Variants in ATAD3C observed in about 807,000 individuals in gnomAD.
The protein encoded by ATAD3C is ATPase family AAA domain containing 3C.
A neutral mutation model predicts 46.3 loss-of-function variants in ATAD3C; 38 were observed. The observed-to-expected ratio is 0.82, with a 90% CI of 0.63 to 1.08. The LOEUF (loss-of-function observed/expected upper bound fraction) is 1.08. ATAD3C is among the 50% of genes least tolerant of loss of function. The pLI is 0.00. For synonymous variants in ATAD3C, 220 were observed against 236.4 expected, an observed-to-expected ratio of 0.93 and a Z score of 0.63; for missense variants, 563 against 572.7, an observed-to-expected ratio of 0.98 and a Z score of 0.17.
In ATAD3C at chr1:1,450,223, G is replaced by A. The variant is rs1638831128; in HGVS notation, c.-461G>A. 2 of 156,098 alleles carry A rather than the reference G, an allele frequency of 1.3e-5. No individual in the cohort carries two copies. Among genetic ancestry groups the A allele is most frequent in the African/African-American group, 4.9e-5 (2 of 41,218 alleles). 9.7% of individuals were successfully genotyped at this position (156,098 alleles called of 1,614,324 possible). ...GCCTGTAGTCCCAGCTACTCGGGAG[G>A]CTGAGGCAGGAGAGTGACGTGAACC... On this transcript the variant is annotated 5_prime_UTR_variant, in exon 1 of 12. Transcript: ENST00000378785.
chr1:1,452,231 C>T (rs1475154744), intron 2 of ATAD3C, 109 bp downstream of exon 2: 2 of 1,578,540 alleles, frequency 1.3e-6, no homozygotes, highest in South Asian at 2.3e-5. Flanking sequence ...TGTAGGCTGG[C>T]TCCTTGGTGG....
In ATAD3C at chr1:1,468,447, G is replaced by A; in HGVS notation, c.1153G>A (p.Asp385Asn). 6.2e-7 allele frequency: 1 copy of A among 1,613,218 alleles called. No individual in the cohort carries two copies. ...GGCCATGATGGACGCCTGCGTGCAA[G>A]ACTTTGTCCAGCAGCACCAGCAGAT... ...TEAMMDACVQDFVQQHQQMMR... is the reference protein window; with the variant it reads ...TEAMMDACVQNFVQQHQQMMR... Residue 385 changes from aspartate (D) to asparagine (N), a missense_variant, in exon 12 of 12, where the codon GAC becomes AAC. Coordinates refer to ENST00000378785, the MANE Select transcript of ATAD3C (RefSeq NM_001039211.3).
In ATAD3C at chr1:1,459,533, A is replaced by AGGG. The variant is rs1011485595; in HGVS notation, c.812+303_812+305dup. Among the ~76,000 whole-genome samples the AGGG allele has an allele frequency of 4.6e-5, 7 of 151,698 alleles. No individual in the cohort carries two copies. Among genetic ancestry groups the AGGG allele is most frequent in the African/African-American group, 1.7e-4 (7 of 41,216 alleles). On this transcript the variant is annotated intron_variant, in intron 9 of 11. Coordinates refer to ENST00000378785, the MANE Select transcript of ATAD3C (RefSeq NM_001039211.3). This position sits in a 1 kb window ranked among gnomAD's most constrained non-coding sequence, Gnocchi z 4.9. The stretch of plus-strand genomic sequence containing the variant: ...AGGTTTCTGCGGTCCTGTGCCTGCA[A>AGGG]GGGAGGTGGTCTCATCGTGTGAGGC...
chr1:1,466,129 C>A (rs1230173386), intron 11 of ATAD3C, among the ~76,000 whole-genome samples: 5 of 151,128 alleles, frequency 3.3e-5, no homozygotes, highest in African/African-American at 1.2e-4. Flanking sequence ...ATAATCCCAG[C>A]TACTTGGGAA....
At chr1:1,457,021 G>C in intron 7 of ATAD3C, 108 bp from the exon 8 acceptor site, 1 of 1,483,454 alleles carries the variant, frequency 6.7e-7, no homozygotes, top group Non-Finnish European at 9.4e-7. Flanking sequence ...GGCAGAGCCT[G>C]ACCCCGTGGG....
At position 1,452,073 on chromosome 1, in the gene ATAD3C, C is replaced by T. The variant is rs748157292; in HGVS notation, c.103C>T (p.Gln35Ter). ...KQLVNEDLRK[Q>*]EESVQKHHQT... ...ACTTGTCAATGAGGATTTACGGAAG[C>T]AGGAGGAGTCCGTGCAGAAGCACCA... Residue 35 changes from glutamine to a stop codon, truncating the protein, a stop_gained, in exon 2 of 12, where the codon CAG becomes TAG. Coordinates refer to ENST00000378785, the MANE Select transcript of ATAD3C (RefSeq NM_001039211.3). LOFTEE classifies it high-confidence loss of function. 4 of 1,613,696 alleles carry T rather than the reference C, an allele frequency of 2.5e-6. No homozygotes were observed. The highest frequency in any genetic ancestry group is 1.1e-5 in the South Asian group (1 of 91,014).
intron 11 of ATAD3C, among the ~76,000 whole-genome samples, chr1:1,466,512 G>T (rs1306793294): frequency 6.8e-6 from 1 of 147,810 alleles, no homozygotes; most frequent in Non-Finnish European, 1.5e-5. Flanking sequence ...GAGATGCCTG[G>T]GTGACAGAAG....
chr1:1,451,919 C>A (rs1398654651), intron 1 of ATAD3C, 127 bp from the exon 2 acceptor site: 1 of 1,451,436 alleles, frequency 6.9e-7, no homozygotes, highest in Non-Finnish European at 9.2e-7. Context: ...GGTGCGGCGT[C>A]TGCAGGTCCC....
At position 1,450,768 on chromosome 1, in the gene ATAD3C, G is replaced by C. The variant is rs753364759; in HGVS notation, c.75+10G>C. On this transcript the variant is annotated intron_variant, in intron 1 of 11. Transcript: ENST00000378785. ...ACAGTCCAAGCTCAAAGTGAGTGGGGCCGGTGTGGGCGGGGAGGCCGGGGC... is the reference window on the plus strand; with the variant it reads ...ACAGTCCAAGCTCAAAGTGAGTGGGCCCGGTGTGGGCGGGGAGGCCGGGGC... 5.6e-6 allele frequency: 9 copies of C among 1,612,496 alleles called. No individual in the cohort carries two copies. The highest frequency in any genetic ancestry group is 7.6e-6 in the Non-Finnish European group (9 of 1,179,510).
chr1:1,455,980 C>T, intron 6 of ATAD3C, 64 bp downstream of exon 6: 1 of 1,603,954 alleles, frequency 6.2e-7, no homozygotes, highest in Non-Finnish European at 8.5e-7. Context: ...CTGCAGGTGT[C>T]TGGGGGGCTC....
At chr1:1,466,765 C>T (rs1006984766) in intron 11 of ATAD3C, among the ~76,000 whole-genome samples, 1 of 151,778 alleles carries the variant, frequency 6.6e-6, no homozygotes, top group South Asian at 2.1e-4. Flanking sequence ...CTCCTGAATT[C>T]GTTTTGCTGG....
In ATAD3C at chr1:1,449,976, A is replaced by AT. The variant is rs1291113303; in HGVS notation, c.-704dup. Reference sequence around the variant, plus strand: ...GCTGCTATCTAATTCTTATTCTTTCATTTTCTTGCCCGCACGTTCTTGATA... The same window carrying AT: ...GCTGCTATCTAATTCTTATTCTTTCATTTTTCTTGCCCGCACGTTCTTGATA... On this transcript the variant is annotated 5_prime_UTR_variant, in exon 1 of 12. Transcript: ENST00000378785. 1 of 151,522 alleles carries AT rather than the reference A, an allele frequency of 6.6e-6. No individual in the cohort carries two copies. Among genetic ancestry groups the AT allele is most frequent in the African/African-American group, 2.4e-5 (1 of 41,234 alleles). The allele number at this position is 151,522 out of a possible 1,614,324, so 9.4% of individuals were successfully genotyped here. A position where few individuals can be genotyped will look rare whatever the true frequency, so the allele number is the denominator to read the frequency against.
rs1351330897 is a variant in ATAD3C at position 1,466,422 on chromosome 1, G to A, written c.1090-1962G>A. ...TAAAAAATTAGCTGGGTGTGGTGGCGGGTGCCTGTAGTCCCAGCTACTCAG... is the reference window on the plus strand; with the variant it reads ...TAAAAAATTAGCTGGGTGTGGTGGCAGGTGCCTGTAGTCCCAGCTACTCAG... On this transcript the variant is annotated intron_variant, in intron 11 of 11. Coordinates refer to ENST00000378785, the MANE Select transcript of ATAD3C (RefSeq NM_001039211.3). Among the ~76,000 whole-genome samples the A allele has an allele frequency of 1.9e-4, 29 of 150,614 alleles. 1 individual carries two copies. The highest frequency in any genetic ancestry group is 3.4e-3 in the Middle Eastern group (1 of 294).
intron 1 of ATAD3C, 90 bp downstream of exon 1, chr1:1,450,848 G>A (rs890167356): frequency 5.9e-5 from 92 of 1,566,922 alleles, no homozygotes; most frequent in South Asian, 1.0e-4. Flanking sequence ...GGGTAGGGCC[G>A]GGGGTGTGTA....
intron 9 of ATAD3C, among the ~76,000 whole-genome samples, chr1:1,460,418 C>T (rs887974002): frequency 6.6e-6 from 1 of 152,004 alleles, no homozygotes; most frequent in Non-Finnish European, 1.5e-5. Context: ...CTGGGTCCCG[C>T]ATCCCTGCTC....
chr1:1,466,325 G>C (rs1013847327), intron 11 of ATAD3C, among the ~76,000 whole-genome samples: 7 of 151,420 alleles, frequency 4.6e-5, no homozygotes, highest in African/African-American at 1.5e-4. Context: ...AGGCGGGTGG[G>C]TCATGAGGTC....
chr1:1,466,014 G>A (rs1197026146), intron 11 of ATAD3C, among the ~76,000 whole-genome samples: 1 of 151,850 alleles, frequency 6.6e-6, no homozygotes, highest in Non-Finnish European at 1.5e-5. Context: ...AGTGTGAGGT[G>A]GGTGGATCAC....
rs572465014 is a variant in ATAD3C at position 1,451,236 on chromosome 1, G to GT, written c.75+481dup. ...TTTTTGTATATTTAGTAGAGATGGG[G>GT]TTTCAGCGTGTCAGCCAGGATGGTG... On this transcript the variant is annotated intron_variant, in intron 1 of 11. Transcript: ENST00000378785. Among the ~76,000 whole-genome samples the GT allele has an allele frequency of 1.6e-3, 239 of 151,722 alleles. 3 individuals are homozygous for GT. The highest frequency in any genetic ancestry group is 5.6e-3 in the African/African-American group (231 of 41,414).
At chr1:1,458,550 G>T (rs1383373667) in intron 8 of ATAD3C, among the ~76,000 whole-genome samples, 1 of 151,686 alleles carries the variant, frequency 6.6e-6, no homozygotes, top group Non-Finnish European at 1.5e-5. Context: ...AAAGTGCTAG[G>T]ATTACAGGCG....
Sources: gnomAD v4.1 joint callset for allele counts (sites outside exome capture counted in the v4.1 genomes callset) on GRCh38, gnomAD v4.1.1 for gene constraint, Gnocchi (gnomAD v3.1) non-coding constraint, MANE v1.5 for transcripts, NCBI Gene and HGNC (gene_info 2026-07-23, HGNC 2026-07-21) for gene names.